Variants in CAMKMT observed in about 807,000 individuals in gnomAD.
The protein encoded by CAMKMT is calmodulin-lysine N-methyltransferase, also known as CaM KMT.
CAMKMT carries 53 observed loss-of-function variants against 48.0 expected under a neutral mutation model. The ratio of observed to expected loss-of-function variants is 1.10; its 90% CI spans 0.89 to 1.39. CAMKMT has a LOEUF of 1.39. CAMKMT is among the 40% of genes most tolerant of loss of function. The probability of loss-of-function intolerance (pLI) is 0.00; values close to 1 mark genes in which losing one functional copy is unlikely to be tolerated. For synonymous variants in CAMKMT, 165 were observed against 152.3 expected, an observed-to-expected ratio of 1.08 and a Z score of -0.61; for missense variants, 428 against 402.7, an observed-to-expected ratio of 1.06 and a Z score of -0.54.
chr2:44,508,029 T>C (rs1297909259), intron 3 of CAMKMT, among the ~76,000 whole-genome samples: 4 of 152,198 alleles, frequency 2.6e-5, no homozygotes, highest in African/African-American at 9.6e-5. Flanking sequence ...TTAGCACTTA[T>C]GGGCTGAGAC....
intron 3 of CAMKMT, among the ~76,000 whole-genome samples, chr2:44,411,279 T>G (rs569267436): frequency 4.5e-4 from 69 of 152,314 alleles, no homozygotes; most frequent in Non-Finnish European, 6.8e-4. Flanking sequence ...CATTACATAT[T>G]TGAGTGACTA....
chr2:44,730,572 C>G (rs974346483), intron 7 of CAMKMT, among the ~76,000 whole-genome samples: 3 of 152,210 alleles, frequency 2.0e-5, no homozygotes, highest in Non-Finnish European at 4.4e-5. Flanking sequence ...TATCCCCTTT[C>G]ATTCTGAGTT....
intron 3 of CAMKMT, among the ~76,000 whole-genome samples, chr2:44,413,595 T>A (rs989471589): frequency 6.7e-6 from 1 of 149,764 alleles, no homozygotes; most frequent in African/African-American, 2.5e-5. Context: ...GAGGTCACAG[T>A]GAGCCAAGAT....
chr2:44,403,705 C>G (rs1352173516), intron 3 of CAMKMT, among the ~76,000 whole-genome samples: 1 of 152,160 alleles, frequency 6.6e-6, no homozygotes, highest in Non-Finnish European at 1.5e-5. Flanking sequence ...TTAACGCATA[C>G]ACACATATAT....
chr2:44,674,196 T>C (rs566334023), intron 3 of CAMKMT, among the ~76,000 whole-genome samples: 1 of 152,344 alleles, frequency 6.6e-6, no homozygotes, highest in Non-Finnish European at 1.5e-5. Flanking sequence ...AACTAGAATA[T>C]AGTCAACTCA....
intron 3 of CAMKMT, among the ~76,000 whole-genome samples, chr2:44,492,275 A>T (rs1246597375): frequency 6.6e-6 from 1 of 152,184 alleles, no homozygotes; most frequent in Non-Finnish European, 1.5e-5. Flanking sequence ...TTTGAAAATG[A>T]AATTTAGTCT....
chr2:44,382,459 A>G (rs901686109), intron 2 of CAMKMT, among the ~76,000 whole-genome samples: 1 of 151,550 alleles, frequency 6.6e-6, no homozygotes, highest in Middle Eastern at 3.2e-3. Context: ...TCATATTGCA[A>G]ATAACTTTTT....
intron 3 of CAMKMT, among the ~76,000 whole-genome samples, chr2:44,464,269 A>T (rs1667998172): frequency 6.6e-6 from 1 of 152,248 alleles, no homozygotes; most frequent in Non-Finnish European, 1.5e-5. Flanking sequence ...AAGACAAGTC[A>T]TTTGAAATTA....
chr2:44,639,576 A>G (rs1014715765), intron 3 of CAMKMT, among the ~76,000 whole-genome samples: 2 of 152,248 alleles, frequency 1.3e-5, no homozygotes, highest in South Asian at 4.1e-4. Context: ...AAAGCACTTT[A>G]GCTTAGTGCC....
intron 3 of CAMKMT, among the ~76,000 whole-genome samples, chr2:44,625,290 TA>T (rs879673931): frequency 6.6e-6 from 1 of 152,212 alleles, no homozygotes; most frequent in Non-Finnish European, 1.5e-5. Flanking sequence ...CATTTGTATA[TA>T]TTTTTTGGGA....
intron 3 of CAMKMT, among the ~76,000 whole-genome samples, chr2:44,553,145 A>G (rs1369814084): frequency 6.6e-6 from 1 of 152,214 alleles, no homozygotes; most frequent in Non-Finnish European, 1.5e-5. Flanking sequence ...AGCAAGTAGT[A>G]GACACTATTT....
chr2:44,686,257 G>A (rs963943140), intron 3 of CAMKMT, among the ~76,000 whole-genome samples: 2 of 151,926 alleles, frequency 1.3e-5, no homozygotes, highest in Non-Finnish European at 2.9e-5. Context: ...GCCGGGCATG[G>A]TGGCGGGCGC....
intron 3 of CAMKMT, among the ~76,000 whole-genome samples, chr2:44,660,488 C>G (rs1163017601): frequency 1.3e-5 from 2 of 152,160 alleles, no homozygotes; most frequent in African/African-American, 2.4e-5. Flanking sequence ...TTAGTGGTTT[C>G]AAAGAGCCAC....
At chr2:44,585,143 T>C (rs1318751559) in intron 3 of CAMKMT, among the ~76,000 whole-genome samples, 2 of 152,280 alleles carry the variant, frequency 1.3e-5, no homozygotes, top group East Asian at 3.9e-4. Flanking sequence ...TTATACCTCC[T>C]ATAAGCCAGT....
chr2:44,367,754 A>G (rs879581279), intron 1 of CAMKMT, among the ~76,000 whole-genome samples: 3 of 152,226 alleles, frequency 2.0e-5, no homozygotes, highest in Non-Finnish European at 4.4e-5. Context: ...GCTGTACTCG[A>G]TGTTTAAGAT....
At chr2:44,530,999 T>C (rs72790057) in intron 3 of CAMKMT, among the ~76,000 whole-genome samples, 111 of 152,116 alleles carry the variant, frequency 7.3e-4, no homozygotes, top group Middle Eastern at 6.8e-3. Context: ...GAGTCTGATA[T>C]ATATATACAT....
intron 3 of CAMKMT, among the ~76,000 whole-genome samples, chr2:44,666,987 C>T (rs1221415825): frequency 1.3e-5 from 2 of 152,178 alleles, no homozygotes; most frequent in African/African-American, 2.4e-5. Context: ...CACTTATAAA[C>T]CTTAAATCTT....
intron 3 of CAMKMT, among the ~76,000 whole-genome samples, chr2:44,484,846 G>C (rs1214474864): frequency 6.6e-6 from 1 of 151,894 alleles, no homozygotes; most frequent in Non-Finnish European, 1.5e-5. Context: ...CTTATTTTCA[G>C]AATATATAAC....
At chr2:44,420,679 A>G (rs1683877732) in intron 3 of CAMKMT, among the ~76,000 whole-genome samples, 1 of 152,034 alleles carries the variant, frequency 6.6e-6, no homozygotes, top group Admixed American at 6.5e-5. Context: ...ATTATTACTA[A>G]ACCCTAGAAG....
Sources: allele counts gnomAD v4.1 joint callset (sites outside exome capture counted in the v4.1 genomes callset), GRCh38; gene constraint gnomAD v4.1.1; transcripts MANE v1.5; gene names NCBI Gene and HGNC (gene_info 2026-07-23, HGNC 2026-07-21).